Variants in RNF13 observed in about 807,000 individuals in gnomAD.
RNF13 encodes the protein E3 ubiquitin-protein ligase RNF13.
In RNF13, 19 loss-of-function variants were observed where a neutral mutation model predicts 37.7. That is an observed-to-expected ratio of 0.50 (90% CI 0.35 to 0.74). The LOEUF (loss-of-function observed/expected upper bound fraction) is 0.74, where lower values mean the gene tolerates loss of function less well. Ranked by LOEUF, RNF13 falls within the 30% of genes least tolerant of loss-of-function variation. The pLI is 0.01. For synonymous variants in RNF13, 144 were observed against 157.8 expected, an observed-to-expected ratio of 0.91 and a Z score of 0.65; for missense variants, 375 against 453.0, an observed-to-expected ratio of 0.83 and a Z score of 1.56.
chr3:149,847,562 C>T (rs1404369250), intron 2 of RNF13, among the ~76,000 whole-genome samples: 1 of 152,064 alleles, frequency 6.6e-6, no homozygotes, highest in African/African-American at 2.4e-5. Flanking sequence ...TTCTAACCCC[C>T]TGTTGTCCTC....
chr3:149,834,320 T>G (rs538612855), intron 1 of RNF13, among the ~76,000 whole-genome samples: 2 of 152,244 alleles, frequency 1.3e-5, no homozygotes, highest in African/African-American at 4.8e-5. Flanking sequence ...GTAGGTCGTA[T>G]ACTTCCTGAT....
chr3:149,839,578 T>C (rs1721958983), intron 1 of RNF13, among the ~76,000 whole-genome samples: 1 of 116,172 alleles, frequency 8.6e-6, no homozygotes. Flanking sequence ...TTCCCTTTTA[T>C]AAAACCATCA....
In RNF13 at chr3:149,914,537, C is replaced by G. The variant is rs552848088; in HGVS notation, c.606+2454C>G. On this transcript the variant is annotated intron_variant, in intron 7 of 9. Coordinates refer to ENST00000392894, the MANE Select transcript of RNF13 (RefSeq NM_183381.3). Reference sequence around the variant, plus strand: ...AACAAACAAAAATACCCTTGGAAAACCAGGAGTACAAGTAAATAACCTTAT... The same window carrying G: ...AACAAACAAAAATACCCTTGGAAAAGCAGGAGTACAAGTAAATAACCTTAT... Among the ~76,000 whole-genome samples the G allele has an allele frequency of 1.6e-3, 240 of 152,110 alleles. 1 individual carries two copies. The highest frequency in any genetic ancestry group is 5.5e-3 in the African/African-American group (227 of 41,482).
At chr3:149,874,367 A>G (rs1712445914) in intron 4 of RNF13, among the ~76,000 whole-genome samples, 1 of 152,160 alleles carries the variant, frequency 6.6e-6, no homozygotes, top group African/African-American at 2.4e-5. Flanking sequence ...ATTTACTAGC[A>G]GTATGATCTT....
chr3:149,948,200 C>T (rs1720961865), intron 8 of RNF13, among the ~76,000 whole-genome samples: 2 of 151,750 alleles, frequency 1.3e-5, no homozygotes, highest in African/African-American at 2.4e-5. Flanking sequence ...CTGCCCACCT[C>T]GGCCTCCCAA....
chr3:149,853,839 T>A (rs1024120003), intron 3 of RNF13, among the ~76,000 whole-genome samples: 1 of 149,394 alleles, frequency 6.7e-6, no homozygotes, highest in Non-Finnish European at 1.5e-5. Flanking sequence ...TTTCTCTTTT[T>A]TTTTTTTTTT....
intron 1 of RNF13, among the ~76,000 whole-genome samples, chr3:149,835,299 A>G (rs1721483079): frequency 6.6e-6 from 1 of 152,198 alleles, no homozygotes; most frequent in Non-Finnish European, 1.5e-5. Flanking sequence ...AGAATTTAAA[A>G]AATTTTTTTA....
intron 4 of RNF13, among the ~76,000 whole-genome samples, chr3:149,881,634 A>G (rs996236035): frequency 6.6e-6 from 1 of 152,188 alleles, no homozygotes; most frequent in Non-Finnish European, 1.5e-5. Flanking sequence ...CCCGGCCAAC[A>G]TAAGATCTTT....
chr3:149,837,962 T>G (rs149277724), intron 1 of RNF13, among the ~76,000 whole-genome samples: 2,584 of 152,150 alleles, frequency 0.017, 80 homozygotes, highest in African/African-American at 0.058. Context: ...CTAGATACAA[T>G]GGGGGTACAG....
intron 4 of RNF13, among the ~76,000 whole-genome samples, chr3:149,891,501 A>G (rs1019830515): frequency 2.2e-4 from 34 of 152,318 alleles, no homozygotes; most frequent in African/African-American, 7.9e-4. Context: ...GGCTATTTAT[A>G]ATAACAAGCC....
At chr3:149,927,010 C>T (rs938632798) in intron 8 of RNF13, among the ~76,000 whole-genome samples, 3 of 152,178 alleles carry the variant, frequency 2.0e-5, no homozygotes, top group African/African-American at 7.2e-5. Flanking sequence ...TAGCAGAATA[C>T]ACACAGCATA....
intron 7 of RNF13, among the ~76,000 whole-genome samples, chr3:149,916,795 T>C (rs1234987630): frequency 6.6e-6 from 1 of 152,192 alleles, no homozygotes; most frequent in Non-Finnish European, 1.5e-5. Context: ...CATTATTAAA[T>C]GGTGAAATGC....
chr3:149,886,269 A>G (rs1714022169), intron 4 of RNF13, among the ~76,000 whole-genome samples: 2 of 152,264 alleles, frequency 1.3e-5, no homozygotes, highest in East Asian at 1.9e-4. Context: ...TCTGTGAAGA[A>G]TGTCATTGGT....
At chr3:149,876,953 T>C (rs1712781360) in intron 4 of RNF13, among the ~76,000 whole-genome samples, 1 of 151,874 alleles carries the variant, frequency 6.6e-6, no homozygotes, top group African/African-American at 2.4e-5. Flanking sequence ...TAATTTTTTG[T>C]GTTTTTAGTA....
chr3:149,855,297 C>A (rs184286708), intron 3 of RNF13, among the ~76,000 whole-genome samples: 1 of 151,948 alleles, frequency 6.6e-6, no homozygotes, highest in East Asian at 1.9e-4. Flanking sequence ...CCAGCCTGGG[C>A]GACAGAGTGA....
chr3:149,874,445 T>C (rs750729515), intron 4 of RNF13, among the ~76,000 whole-genome samples: 2 of 152,186 alleles, frequency 1.3e-5, no homozygotes, highest in African/African-American at 2.4e-5. Flanking sequence ...TAATGTTCCC[T>C]ATATGATAGG....
chr3:149,878,326 A>C (rs191593512), intron 4 of RNF13, among the ~76,000 whole-genome samples: 1 of 152,204 alleles, frequency 6.6e-6, no homozygotes, highest in Non-Finnish European at 1.5e-5. Context: ...GGATCGAAAG[A>C]AAGAGAGAAA....
intron 8 of RNF13, among the ~76,000 whole-genome samples, chr3:149,943,956 TC>T (rs1720523607): frequency 6.6e-6 from 1 of 151,926 alleles, no homozygotes; most frequent in South Asian, 2.1e-4. Context: ...ATGCTATCCC[TC>T]CCCCTCCCCC....
intron 3 of RNF13, among the ~76,000 whole-genome samples, chr3:149,855,878 G>A (rs765114191): frequency 2.6e-5 from 4 of 152,046 alleles, no homozygotes; most frequent in Non-Finnish European, 5.9e-5. Context: ...GTATTATCTT[G>A]TTTTAATTTG....
Sources: gnomAD v4.1 joint callset for allele counts (sites outside exome capture counted in the v4.1 genomes callset) on GRCh38, gnomAD v4.1.1 for gene constraint, MANE v1.5 for transcripts, NCBI Gene and HGNC (gene_info 2026-07-23, HGNC 2026-07-21) for gene names.